The following WDFY1 variants were observed in gnomAD, a reference collection of about 807,000 sequenced individuals.
WDFY1 encodes WD repeat and FYVE domain-containing protein 1.
A neutral mutation model predicts 56.4 loss-of-function variants in WDFY1; 32 were observed. The ratio of observed to expected loss-of-function variants is 0.57; its 90% CI spans 0.43 to 0.76. The LOEUF (loss-of-function observed/expected upper bound fraction) is 0.76, where lower values mean the gene tolerates loss of function less well. Ranked by LOEUF, WDFY1 falls within the 30% of genes least tolerant of loss-of-function variation. The pLI is 0.00. For missense variants in WDFY1, 480 were observed against 545.7 expected (o/e 0.88, Z 1.20); for synonymous variants, 192 against 197.3 (o/e 0.97, Z 0.23).
At chr2:223,893,837 T>C (rs908252915) in intron 8 of WDFY1, among the ~76,000 whole-genome samples, 1 of 152,226 alleles carries the variant, frequency 6.6e-6, no homozygotes. Flanking sequence ...TGTTTAGCTA[T>C]GTCCCTGACA....
In WDFY1 at chr2:223,899,033, A is replaced by C; in HGVS notation, c.523T>G (p.Tyr175Asp). 6.2e-7 allele frequency: 1 copy of C among 1,614,178 alleles called. No homozygotes were observed. The highest frequency in any genetic ancestry group is 8.5e-7 in the Non-Finnish European group (1 of 1,180,024). The change falls in exon 6 of 12, where the codon TAT becomes GAT. Residue 175 changes from tyrosine to aspartate, a missense_variant. By Grantham distance (160) the Tyr-to-Asp change is radical. Coordinates refer to ENST00000233055, the MANE Select transcript of WDFY1 (RefSeq NM_020830.5). ...FDTQYAFVGDYSGQITLLKLE... is the reference protein window; with the variant it reads ...FDTQYAFVGDDSGQITLLKLE... ...TTCAGCAGGGTGATCTGCCCAGAAT[A>C]ATCACCAACGAAAGCATACTGAGTG...
chr2:223,932,184 G>A (rs960946192), intron 1 of WDFY1, among the ~76,000 whole-genome samples: 33 of 140,074 alleles, frequency 2.4e-4, no homozygotes, highest in Non-Finnish European at 4.5e-4. Context: ...GTGCAGTGGT[G>A]CAATCTCGGC....
rs750224618 is a variant in WDFY1 at position 223,880,191 on chromosome 2, A to G, written c.1106T>C (p.Ile369Thr). Residue 369 changes from isoleucine to threonine, a missense_variant, in exon 11 of 12, where the codon ATT (isoleucine) becomes ACT (threonine). Physicochemically the swap from Ile to Thr is moderately conservative, Grantham distance 89 (BLOSUM62 -1). Coordinates refer to ENST00000233055, the MANE Select transcript of WDFY1 (RefSeq NM_020830.5). ...LATFHEGKHNISHMSMDIARG... is the reference protein window; with the variant it reads ...LATFHEGKHNTSHMSMDIARG... Reference sequence around the variant, plus strand: ...GGCAATGTCCATGGACATGTGGGAAATGTTATGTTTTCCTTCATGAAAGGT... The same window carrying G: ...GGCAATGTCCATGGACATGTGGGAAGTGTTATGTTTTCCTTCATGAAAGGT... The G allele has an allele frequency of 2.5e-6, 4 of 1,614,146 alleles. No homozygotes were observed. The highest frequency in any genetic ancestry group is 8.5e-7 in the Non-Finnish European group (1 of 1,179,990).
At chr2:223,894,441 G>A in intron 7 of WDFY1, 102 bp from the exon 8 acceptor site, 1 of 1,154,572 alleles carries the variant, frequency 8.7e-7, no homozygotes, top group Non-Finnish European at 1.3e-6. Context: ...ATCAGCAAGT[G>A]GTATTTTACC....
intron 5 of WDFY1, chr2:223,899,337 T>G: frequency 2.9e-6 from 1 of 343,602 alleles, no homozygotes; most frequent in Non-Finnish European, 5.4e-6. Flanking sequence ...TGAGTGCCTG[T>G]TACTATATCA....
chr2:223,901,139 A>G, intron 5 of WDFY1, 44 bp downstream of exon 5: 65 of 1,581,032 alleles, frequency 4.1e-5, no homozygotes, highest in Non-Finnish European at 5.5e-5. Context: ...AACACTGAGA[A>G]GCAGAGGCCA....
At chr2:223,895,778 G>A in intron 6 of WDFY1, 148 bp from the exon 7 acceptor site, 1 of 986,264 alleles carries the variant, frequency 1.0e-6, no homozygotes, top group East Asian at 2.7e-5. Flanking sequence ...GTGTACAACG[G>A]GTCATTCAAC....
chr2:223,926,143 C>A (rs554897541), intron 1 of WDFY1, among the ~76,000 whole-genome samples: 1 of 152,228 alleles, frequency 6.6e-6, no homozygotes, highest in East Asian at 1.9e-4. Context: ...GCAGTTATAG[C>A]CTTATAAAAA....
At chr2:223,906,561 G>C (rs1474076159) in intron 3 of WDFY1, among the ~76,000 whole-genome samples, 2 of 152,088 alleles carry the variant, frequency 1.3e-5, no homozygotes, top group Admixed American at 1.3e-4. Context: ...TTTATTTAGA[G>C]ACAGAGTTTC....
At chr2:223,891,382 C>CAAAAAAA (rs61587389) in intron 8 of WDFY1, among the ~76,000 whole-genome samples, 1 of 60,112 alleles carries the variant, frequency 1.7e-5, no homozygotes, top group African/African-American at 6.9e-5. Context: ...GACTCCGTCT[C>CAAAAAAA]AAAAAAAAAA....
At chr2:223,879,836 G>C (rs560690501) in intron 11 of WDFY1, among the ~76,000 whole-genome samples, 7 of 152,202 alleles carry the variant, frequency 4.6e-5, no homozygotes, top group African/African-American at 1.7e-4. Flanking sequence ...CAGGGGTGAG[G>C]ACCCAGGCCA....
intron 5 of WDFY1, among the ~76,000 whole-genome samples, chr2:223,900,383 A>G (rs1693485783): frequency 6.6e-6 from 1 of 152,204 alleles, no homozygotes; most frequent in Non-Finnish European, 1.5e-5. Context: ...AAGGCTTTCA[A>G]TGGACAGAAT....
At chr2:223,884,847 A>G in intron 8 of WDFY1, 98 bp from the exon 9 acceptor site, 1 of 897,860 alleles carries the variant, frequency 1.1e-6, no homozygotes, top group East Asian at 2.8e-5. Context: ...CAAGGTTAGT[A>G]TTTCTTTTCT....
chr2:223,919,069 C>T (rs1434890218), intron 1 of WDFY1, among the ~76,000 whole-genome samples: 1 of 152,248 alleles, frequency 6.6e-6, no homozygotes, highest in African/African-American at 2.4e-5. Context: ...CTCAGGGCCT[C>T]TGGGCGCCAG....
intron 10 of WDFY1, among the ~76,000 whole-genome samples, chr2:223,881,441 T>G (rs868772990): frequency 2.0e-5 from 3 of 152,154 alleles, no homozygotes; most frequent in Middle Eastern, 3.2e-3. Context: ...AGGGGCAACT[T>G]AAGATGCATA....
At chr2:223,889,311 G>A (rs888833896) in intron 8 of WDFY1, among the ~76,000 whole-genome samples, 1 of 152,114 alleles carries the variant, frequency 6.6e-6, no homozygotes, top group Non-Finnish European at 1.5e-5. Context: ...TCCTGGCTCT[G>A]CCACTTGTCA....
rs1692962395 is a variant in WDFY1, at chr2:223,875,911, T to C, written c.*2760A>G. 1 of 152,132 alleles carries C rather than the reference T, an allele frequency of 6.6e-6. No homozygotes were observed. The highest frequency in any genetic ancestry group is 1.5e-5 in the Non-Finnish European group (1 of 68,002). 9.4% of individuals were successfully genotyped at this position (152,132 alleles called of 1,614,324 possible). A position where few individuals can be genotyped will look rare whatever the true frequency, so the allele number is the denominator to read the frequency against. On this transcript the variant is annotated 3_prime_UTR_variant, in exon 12 of 12. Transcript: ENST00000233055. ...TATTTATTACATATTTGGGTCAGTT[T>C]CACCAGTTTAAAAATATAGGTACTA...
chr2:223,942,757 G>C (rs1240057660), intron 1 of WDFY1, among the ~76,000 whole-genome samples: 1 of 135,018 alleles, frequency 7.4e-6, no homozygotes, highest in Non-Finnish European at 1.6e-5. Flanking sequence ...GGATGGTCTC[G>C]ATCTCCTGAC....
intron 1 of WDFY1, among the ~76,000 whole-genome samples, chr2:223,937,321 A>C (rs1689204131): frequency 1.3e-5 from 2 of 152,250 alleles, no homozygotes. Context: ...TCGTAAGATT[A>C]AAGTAACAAA....
Sources: gnomAD v4.1 joint callset for allele counts (sites outside exome capture counted in the v4.1 genomes callset) on GRCh38, gnomAD v4.1.1 for gene constraint, MANE v1.5 for transcripts, NCBI Gene and HGNC (gene_info 2026-07-23, HGNC 2026-07-21) for gene names.